ADAR: variants seen among roughly 807,000 people sequenced by gnomAD.
The protein encoded by ADAR is double-stranded RNA-specific adenosine deaminase.
ADAR carries 41 observed loss-of-function variants against 113.2 expected under a neutral mutation model. The ratio of observed to expected loss-of-function variants is 0.36; its 90% CI spans 0.28 to 0.47. The LOEUF (loss-of-function observed/expected upper bound fraction) is 0.47. ADAR is among the 20% of genes least tolerant of loss of function. The probability of loss-of-function intolerance (pLI) is 1.00; values close to 1 mark genes in which losing one functional copy is unlikely to be tolerated. For synonymous variants in ADAR, 605 were observed against 572.6 expected, an observed-to-expected ratio of 1.06 and a Z score of -0.81; for missense variants, 1,242 against 1,540.9, an observed-to-expected ratio of 0.81 and a Z score of 3.25.
upstream of ADAR, among the ~76,000 whole-genome samples, chr1:154,612,318 GTTTTTTTTTTT>G (rs55714254): frequency 2.2e-4 from 15 of 69,200 alleles, 1 homozygote; most frequent in Admixed American, 8.9e-4. Flanking sequence ...AAATTACTCA[GTTTTTTTTTTT>G]TTTTTTTTTT....
chr1:154,590,141 A>ACC lies in ADAR; in HGVS notation c.2496+41_2496+42dup, dbSNP rs3215061. ...CCACCTCCACTTAGGAGTTAGGAGG[A>ACC]CCCCCCCGCCCCAAAAAAGGCACCA... On this transcript the variant is annotated intron_variant, in intron 7 of 14. Coordinates refer to ENST00000368474, the MANE Select transcript of ADAR (RefSeq NM_001111.5). The ACC allele has an allele frequency of 5.9e-3, 4,476 of 757,728 alleles. 54 individuals are homozygous for ACC. Among genetic ancestry groups the ACC allele is most frequent in the African/African-American group, 0.027 (1,241 of 46,222 alleles). The allele number at this position is 757,728 out of a possible 1,614,324, so 46.9% of individuals were successfully genotyped here. A position where few individuals can be genotyped will look rare whatever the true frequency, so the allele number is the denominator to read the frequency against.
rs576950988 is a variant in ADAR at position 154,627,346 on chromosome 1, G to A, written c.-871+509C>T. Among the ~76,000 whole-genome samples, 151 of 152,322 alleles carry A rather than the reference G, an allele frequency of 9.9e-4. 3 individuals carry two copies. In the South Asian group the frequency reaches 0.03, roughly 30 times the overall value. ...CAGTGGCCTCCTACGCCTTCCCTGT[G>A]GAAGGCACGCCAGGGCGGCGATGTT... On this transcript the variant is annotated intron_variant, in intron 1 of 14. Coordinates refer to the ADAR transcript ENST00000368471.
At chr1:154,597,039 G>C in intron 5 of ADAR, 44 bp from the exon 6 acceptor site, 1 of 1,614,000 alleles carries the variant, frequency 6.2e-7, no homozygotes, top group African/African-American at 1.3e-5. Flanking sequence ...AACACTTCAG[G>C]AAATGTTGAG....
chr1:154,598,709 G>T, intron 2 of ADAR, 124 bp from the exon 3 acceptor site: 1 of 913,408 alleles, frequency 1.1e-6, no homozygotes, highest in Non-Finnish European at 1.7e-6. Context: ...GGAGATGAAG[G>T]GTAGGCCAAG....
Position 154,584,664 on chromosome 1 carries a change from G to A in ADAR, c.*142C>T. 1 of 801,772 alleles carries A rather than the reference G, an allele frequency of 1.2e-6. No homozygotes were observed. The highest frequency in any genetic ancestry group is 2.3e-5 in the Admixed American group (1 of 44,008). The allele number at this position is 801,772 out of a possible 1,614,324, so 49.7% of individuals were successfully genotyped here. ...AAAGCAGGATAAATGGGAACCCAAAGTTTTCAGTATCACCAATTATGGCTT... is the reference window on the plus strand; with the variant it reads ...AAAGCAGGATAAATGGGAACCCAAAATTTTCAGTATCACCAATTATGGCTT... On this transcript the variant is annotated 3_prime_UTR_variant, in exon 15 of 15. Transcript: ENST00000368474.
chr1:154,590,141 A>AGGGGG, intron 7 of ADAR, 43 bp downstream of exon 7: 1 of 760,866 alleles, frequency 1.3e-6, no homozygotes, highest in Non-Finnish European at 2.2e-6. Context: ...AGTTAGGAGG[A>AGGGGG]CCCCCCCGCC....
At chr1:154,596,169 T>C (rs1697480127) in intron 6 of ADAR, among the ~76,000 whole-genome samples, 1 of 152,298 alleles carries the variant, frequency 6.6e-6, no homozygotes, top group Non-Finnish European at 1.5e-5. Context: ...TAGTAATATA[T>C]GGGTCTAGGG....
intron 1 of ADAR, among the ~76,000 whole-genome samples, chr1:154,603,350 G>A (rs1698003813): frequency 6.6e-6 from 1 of 152,152 alleles, no homozygotes; most frequent in Non-Finnish European, 1.5e-5. Context: ...GGGAGCTGGA[G>A]GGTTTCCTGA....
In ADAR at chr1:154,594,874, A is replaced by G. The variant is rs150480819; in HGVS notation, c.2270+1931T>C. On this transcript the variant is annotated intron_variant, in intron 6 of 14. Transcript: ENST00000368474. Reference sequence around the variant, plus strand: ...GGAGTCAACGTATAAAACAGAAGATATACTTGTTTAAAAAGACAAAAGGGA... The same window carrying G: ...GGAGTCAACGTATAAAACAGAAGATGTACTTGTTTAAAAAGACAAAAGGGA... 5.4e-3 allele frequency among the ~76,000 whole-genome samples: 829 copies of G among 152,366 alleles called. 5 individuals are homozygous for G. The highest frequency in any genetic ancestry group is 0.019 in the African/African-American group (792 of 41,584).
intron 11 of ADAR, among the ~76,000 whole-genome samples, chr1:154,586,776 C>G (rs1207360246): frequency 6.6e-6 from 1 of 152,070 alleles, no homozygotes; most frequent in Non-Finnish European, 1.5e-5. Context: ...TTCAGGCACA[C>G]AGGACAAAAG....
At chr1:154,598,168 A>G (rs529702903) in intron 3 of ADAR, among the ~76,000 whole-genome samples, 192 bp from the exon 4 acceptor site, 1 of 152,292 alleles carries the variant, frequency 6.6e-6, no homozygotes, top group Admixed American at 6.5e-5. Flanking sequence ...ATAAACTTTC[A>G]GGTCTCTTTC....
intron 6 of ADAR, among the ~76,000 whole-genome samples, chr1:154,596,393 G>C (rs562411832): frequency 2.6e-5 from 4 of 152,004 alleles, no homozygotes; most frequent in Non-Finnish European, 5.9e-5. Flanking sequence ...GGCACCCGCT[G>C]CCACGCCCAG....
Position 154,608,095 on chromosome 1 carries a change from C to A in ADAR, c.-89G>T. The A allele has an allele frequency of 1.4e-6, 2 of 1,451,772 alleles. No homozygotes were observed. Among genetic ancestry groups the A allele is most frequent in the Non-Finnish European group, 1.8e-6 (2 of 1,101,052 alleles). The allele number at this position is 1,451,772 out of a possible 1,614,324, so 89.9% of individuals were successfully genotyped here. On this transcript the variant is annotated 5_prime_UTR_variant, in exon 1 of 15. Transcript: ENST00000368474. ...CCGCGCCAGCCCCTCGAGGCCCCCA[C>A]GCCTCCGCTACTCCGCACTGGAAGT...
Position 154,597,013 on chromosome 1 carries a change from A to C in ADAR, c.2080-18T>G, listed in dbSNP as rs1294919751. On this transcript the variant is annotated intron_variant, in intron 5 of 14. Coordinates refer to ENST00000368474, the MANE Select transcript of ADAR (RefSeq NM_001111.5). ...CCTTCAGGCTAAAGGAGAATCCATC[A>C]AACAGAGGAGCCATAAACACTTCAG... 3 of 1,614,146 alleles carry C rather than the reference A, an allele frequency of 1.9e-6. No individual in the cohort carries two copies. The highest frequency in any genetic ancestry group is 2.5e-6 in the Non-Finnish European group (3 of 1,180,002).
At chr1:154,593,413 T>C (rs1331844258) in intron 6 of ADAR, among the ~76,000 whole-genome samples, 1 of 152,220 alleles carries the variant, frequency 6.6e-6, no homozygotes, top group Non-Finnish European at 1.5e-5. Flanking sequence ...AATACTGCTA[T>C]GGCTATATGT....
intron 6 of ADAR, among the ~76,000 whole-genome samples, chr1:154,591,121 T>C (rs1178155794): frequency 2.6e-5 from 4 of 152,196 alleles, no homozygotes; most frequent in Admixed American, 2.6e-4. Flanking sequence ...CAGAATATGA[T>C]AAAATCATGT....
upstream of ADAR, among the ~76,000 whole-genome samples, chr1:154,609,539 T>C (rs1481796446): frequency 1.3e-5 from 2 of 152,194 alleles, no homozygotes; most frequent in Non-Finnish European, 2.9e-5. Context: ...TTCGTTGGCC[T>C]AGCATGCACC....
intron 1 of ADAR, among the ~76,000 whole-genome samples, chr1:154,604,374 C>T (rs753448153): frequency 3.9e-5 from 6 of 152,206 alleles, no homozygotes; most frequent in Non-Finnish European, 8.8e-5. Flanking sequence ...ACTCTGACTT[C>T]ACACACCTCC....
At chr1:154,593,724 G>A (rs1697316930) in intron 6 of ADAR, among the ~76,000 whole-genome samples, 2 of 152,110 alleles carry the variant, frequency 1.3e-5, no homozygotes, top group Middle Eastern at 3.2e-3. Context: ...GGTCATGTTG[G>A]GCAAAGGGCT....
Sources: gnomAD v4.1 joint callset for allele counts (sites outside exome capture counted in the v4.1 genomes callset) on GRCh38, gnomAD v4.1.1 for gene constraint, MANE v1.5 for transcripts, NCBI Gene and HGNC (gene_info 2026-07-23, HGNC 2026-07-21) for gene names.